The following UNC13C variants were observed in gnomAD, a reference collection of about 807,000 sequenced individuals.
UNC13C encodes protein unc-13 homolog C.
In UNC13C, 174 loss-of-function variants were observed where a neutral mutation model predicts 245.4. The ratio of observed to expected loss-of-function variants is 0.71; its 90% CI spans 0.63 to 0.80. UNC13C has a LOEUF of 0.80. UNC13C is among the 30% of genes least tolerant of loss of function. The probability of loss-of-function intolerance (pLI) is 0.00; values close to 1 mark genes in which losing one functional copy is unlikely to be tolerated. For missense variants in UNC13C, 2,829 were observed against 2,602.9 expected, an observed-to-expected ratio of 1.09 and a Z score of -1.89; for synonymous variants, 992 against 895.1, an observed-to-expected ratio of 1.11 and a Z score of -1.93.
At chr15:54,447,622 C>T (rs886274849) in intron 19 of UNC13C, among the ~76,000 whole-genome samples, 27 of 151,998 alleles carry the variant, frequency 1.8e-4, no homozygotes, top group Non-Finnish European at 2.5e-4. Flanking sequence ...GGTGATATCC[C>T]CTTTATCATT....
intron 28 of UNC13C, among the ~76,000 whole-genome samples, chr15:54,550,552 A>G (rs139403631): frequency 2.6e-4 from 40 of 152,226 alleles, no homozygotes; most frequent in Middle Eastern, 6.8e-3. Context: ...GAAAAACAAA[A>G]TGTATAATTA....
At chr15:54,264,852 T>C (rs2036514319) in intron 9 of UNC13C, among the ~76,000 whole-genome samples, 1 of 151,956 alleles carries the variant, frequency 6.6e-6, no homozygotes, top group Admixed American at 6.6e-5. Flanking sequence ...AAGTTGCTTG[T>C]AATGTCAACA....
intron 20 of UNC13C, among the ~76,000 whole-genome samples, chr15:54,496,821 A>G (rs1893970446): frequency 6.7e-6 from 1 of 150,138 alleles, no homozygotes; most frequent in Admixed American, 6.7e-5. Context: ...CTTGAGGGAA[A>G]GGGAAGTTGG....
intron 23 of UNC13C, among the ~76,000 whole-genome samples, chr15:54,509,563 GAA>G (rs1331809916): frequency 6.6e-6 from 1 of 151,920 alleles, no homozygotes; most frequent in Non-Finnish European, 1.5e-5. Context: ...TATTTTTAGG[GAA>G]AAAATCAAGA....
chr15:53,884,168 T>G, the UNC13C span, among the ~76,000 whole-genome samples: 1 of 152,158 alleles, frequency 6.6e-6, no homozygotes, highest in Non-Finnish European at 1.5e-5. Flanking sequence ...CCACATTAAC[T>G]ATACAATCCT....
chr15:54,563,915 C>T (rs1367636266), intron 29 of UNC13C, among the ~76,000 whole-genome samples: 1 of 151,990 alleles, frequency 6.6e-6, no homozygotes, highest in Non-Finnish European at 1.5e-5. Context: ...ACTGCAGCCC[C>T]CTTTCTCCTG....
At chr15:53,994,309 C>G (rs1238116666) in intron 1 of UNC13C, among the ~76,000 whole-genome samples, 1 of 151,704 alleles carries the variant, frequency 6.6e-6, no homozygotes, top group Non-Finnish European at 1.5e-5. Flanking sequence ...AGATGTCTTG[C>G]TATCAGGTAT....
In UNC13C at chr15:54,376,978, G is replaced by A. The variant is rs145500548; in HGVS notation, c.4714-16070G>A. The stretch of plus-strand genomic sequence containing the variant: ...GATCCAATGACAGACATTCTTAAGG[G>A]AGCCAGAAAAGGAGCAGACACACAG... On this transcript the variant is annotated intron_variant, in intron 17 of 32. Coordinates refer to ENST00000260323, the MANE Select transcript of UNC13C (RefSeq NM_001080534.3). 7.3e-3 allele frequency among the ~76,000 whole-genome samples: 1,107 copies of A among 152,268 alleles called. 12 individuals carry two copies. Among genetic ancestry groups the A allele is most frequent in the African/African-American group, 0.026 (1,063 of 41,558 alleles).
intron 25 of UNC13C, among the ~76,000 whole-genome samples, chr15:54,530,195 G>C (rs1348660922): frequency 1.3e-5 from 2 of 152,004 alleles, no homozygotes; most frequent in African/African-American, 4.8e-5. Context: ...TATATTTAAG[G>C]TATACAACTT....
intron 10 of UNC13C, among the ~76,000 whole-genome samples, chr15:54,286,101 G>A (rs890494842): frequency 1.3e-5 from 2 of 152,026 alleles, no homozygotes; most frequent in East Asian, 1.9e-4. Flanking sequence ...GGCTGGTCTC[G>A]AACTCCTGAC....
chr15:54,249,897 G>C (rs562620011), intron 7 of UNC13C, among the ~76,000 whole-genome samples: 1 of 152,264 alleles, frequency 6.6e-6, no homozygotes, highest in Non-Finnish European at 1.5e-5. Flanking sequence ...GAGGCGTTGG[G>C]TTTACAGCAT....
intron 17 of UNC13C, among the ~76,000 whole-genome samples, chr15:54,362,848 C>A (rs905208217): frequency 2.6e-5 from 4 of 152,040 alleles, no homozygotes; most frequent in African/African-American, 9.7e-5. Context: ...CTCACATAAT[C>A]CATTGGGGAT....
At chr15:54,356,684 A>G (rs1366718897) in intron 17 of UNC13C, among the ~76,000 whole-genome samples, 1 of 152,168 alleles carries the variant, frequency 6.6e-6, no homozygotes, top group Non-Finnish European at 1.5e-5. Flanking sequence ...TTCCCCAAAA[A>G]TTCCCAACTA....
the UNC13C span, among the ~76,000 whole-genome samples, chr15:53,890,617 A>T: frequency 1.3e-5 from 2 of 152,274 alleles, no homozygotes; most frequent in African/African-American, 4.8e-5. Context: ...CCAGGAATTT[A>T]TCCATTTCTT....
intron 30 of UNC13C, among the ~76,000 whole-genome samples, chr15:54,607,585 T>C (rs1311945311): frequency 6.6e-6 from 1 of 152,160 alleles, no homozygotes; most frequent in African/African-American, 2.4e-5. Context: ...TATAAAGAAC[T>C]ACCTGAGACC....
chr15:54,626,086 T>C (rs926612858), intron 32 of UNC13C, among the ~76,000 whole-genome samples: 2 of 152,180 alleles, frequency 1.3e-5, no homozygotes, highest in African/African-American at 4.8e-5. Flanking sequence ...TAGATGTACA[T>C]TCATTAGAAA....
intron 19 of UNC13C, among the ~76,000 whole-genome samples, chr15:54,446,701 G>A (rs1441333519): frequency 6.6e-6 from 1 of 152,060 alleles, no homozygotes; most frequent in Non-Finnish European, 1.5e-5. Flanking sequence ...CTGAGATAAT[G>A]GGGTTTTCTA....
At chr15:54,487,034 G>T (rs539233947) in intron 19 of UNC13C, among the ~76,000 whole-genome samples, 1 of 152,220 alleles carries the variant, frequency 6.6e-6, no homozygotes, top group African/African-American at 2.4e-5. Context: ...ATAGATCAAG[G>T]CCAGAATTCT....
rs61247223 is a variant in UNC13C at position 53,984,055 on chromosome 15, T to G, written c.-257+5128T>G. Among the ~76,000 whole-genome samples, 22 of 152,254 alleles carry G rather than the reference T, an allele frequency of 1.4e-4. No individual in the cohort carries two copies. The East Asian group carries it at 4.3e-3, about 29-fold the overall frequency. On this transcript the variant is annotated intron_variant, in intron 1 of 32. Transcript: ENST00000260323. ...CCAATTGTTTTATCTGTATGATTCT[T>G]TTCTCTGAGCATCTGTTCTGCATAC...
Sources: gnomAD v4.1 joint callset for allele counts (sites outside exome capture counted in the v4.1 genomes callset) on GRCh38, gnomAD v4.1.1 for gene constraint, MANE v1.5 for transcripts, NCBI Gene and HGNC (gene_info 2026-07-23, HGNC 2026-07-21) for gene names.